Variants in TSPAN8 observed in about 807,000 individuals in gnomAD.
The protein encoded by TSPAN8 is tetraspanin-8.
Under a neutral mutation model 32.8 loss-of-function variants are expected in TSPAN8, and 21 were observed. The ratio of observed to expected loss-of-function variants is 0.64; its 90% CI spans 0.45 to 0.92. The LOEUF (loss-of-function observed/expected upper bound fraction) is 0.92, where lower values mean the gene tolerates loss of function less well. Ranked by LOEUF, TSPAN8 falls within the 40% of genes least tolerant of loss-of-function variation. The pLI is 0.00. For missense variants in TSPAN8, 269 were observed against 281.9 expected (o/e 0.95, Z 0.33); for synonymous variants, 95 against 94.6 (o/e 1.00, Z -0.03).
intron 2 of TSPAN8, among the ~76,000 whole-genome samples, chr12:71,152,991 A>G (rs906927336): frequency 6.6e-6 from 1 of 152,184 alleles, no homozygotes; most frequent in Admixed American, 6.5e-5. Context: ...TCCTTCAGTT[A>G]CTAATACATT....
chr12:71,139,946 T>G (rs1376687183), intron 3 of TSPAN8, 98 bp from the exon 4 acceptor site: 2 of 1,250,302 alleles, frequency 1.6e-6, no homozygotes, highest in African/African-American at 3.0e-5. Context: ...ATGTGTCAAG[T>G]CCTGTGCCAG....
At chr12:71,140,881 G>A (rs1446389024) in intron 3 of TSPAN8, among the ~76,000 whole-genome samples, 4 of 152,048 alleles carry the variant, frequency 2.6e-5, no homozygotes, top group Admixed American at 1.3e-4. Context: ...AGACTAACTC[G>A]AAACCTCTGC....
Position 71,157,933 on chromosome 12 carries a change from T to C in TSPAN8, c.-113A>G. 2.2e-6 allele frequency: 1 copy of C among 453,984 alleles called. No individual in the cohort carries two copies. Among genetic ancestry groups the C allele is most frequent in the Non-Finnish European group, 3.9e-6 (1 of 254,446 alleles). The allele number at this position is 453,984 out of a possible 1,614,324, so 28.1% of individuals were successfully genotyped here. A position where few individuals can be genotyped will look rare whatever the true frequency, so the allele number is the denominator to read the frequency against. On this transcript the variant is annotated 5_prime_UTR_variant, in exon 1 of 9. An upstream start codon of the reference 5' UTR is lost. Transcript: ENST00000247829. Reference sequence around the variant, plus strand: ...ATCTCAAAGGCTATTAACTCACACATTTAAATATCGCAAAGGCTATCTCCA... The same window carrying C: ...ATCTCAAAGGCTATTAACTCACACACTTAAATATCGCAAAGGCTATCTCCA...
chr12:71,129,205 G>T, intron 8 of TSPAN8, 126 bp downstream of exon 8: 2 of 1,027,838 alleles, frequency 1.9e-6, no homozygotes, highest in Non-Finnish European at 1.4e-6. Context: ...CTTTTCTAAA[G>T]CATCTGCGTT....
chr12:71,131,512 CA>C (rs1263973778), intron 7 of TSPAN8, among the ~76,000 whole-genome samples: 1 of 151,550 alleles, frequency 6.6e-6, no homozygotes, highest in Non-Finnish European at 1.5e-5. Flanking sequence ...GTTACTAAAC[CA>C]AAACATTTCT....
In TSPAN8 at chr12:71,137,917, T is replaced by C. The variant is rs1180677591; in HGVS notation, c.444+36A>G. 7 of 1,568,068 alleles carry C rather than the reference T, an allele frequency of 4.5e-6. No homozygotes were observed. The African/African-American group carries it at 8.2e-5, about 18-fold the overall frequency. The stretch of plus-strand genomic sequence containing the variant: ...ACTAAACAAACACAGAAGAACTATG[T>C]CCAACTCTTTAAAATGAACAATGAA... On this transcript the variant is annotated intron_variant, in intron 6 of 8. Coordinates refer to ENST00000247829, the MANE Select transcript of TSPAN8 (RefSeq NM_004616.3).
intron 7 of TSPAN8, among the ~76,000 whole-genome samples, chr12:71,132,354 C>G (rs1237606172): frequency 1.3e-5 from 2 of 152,012 alleles, no homozygotes; most frequent in Non-Finnish European, 2.9e-5. Context: ...TTTTCTAGAA[C>G]TTATGTTAAA....
intron 3 of TSPAN8, among the ~76,000 whole-genome samples, chr12:71,143,294 G>A (rs1221225078): frequency 6.6e-6 from 1 of 152,130 alleles, no homozygotes; most frequent in Non-Finnish European, 1.5e-5. Context: ...TGCCAGGGTG[G>A]TATTATGTTC....
intron 2 of TSPAN8, 45 bp from the exon 3 acceptor site, chr12:71,144,258 T>C: frequency 6.4e-7 from 1 of 1,558,838 alleles, no homozygotes; most frequent in Non-Finnish European, 8.7e-7. Flanking sequence ...ATTAGGATCA[T>C]ATGAAACTCT....
intron 3 of TSPAN8, among the ~76,000 whole-genome samples, chr12:71,140,682 C>T (rs899476428): frequency 1.3e-5 from 2 of 152,218 alleles, no homozygotes; most frequent in Admixed American, 6.5e-5. Flanking sequence ...CACACATACT[C>T]GTCTTCATCA....
chr12:71,126,597 T>C (rs1871356412), intron 8 of TSPAN8, among the ~76,000 whole-genome samples: 1 of 152,154 alleles, frequency 6.6e-6, no homozygotes, highest in South Asian at 2.1e-4. Flanking sequence ...AAAAGAGATT[T>C]GTCATTTTAT....
intron 8 of TSPAN8, among the ~76,000 whole-genome samples, chr12:71,126,446 C>A (rs1184194091): frequency 6.6e-6 from 1 of 152,002 alleles, no homozygotes; most frequent in Non-Finnish European, 1.5e-5. Flanking sequence ...TGGGATAAGA[C>A]AACTATCATC....
Position 71,125,371 on chromosome 12 carries a change from A to C in TSPAN8, c.677T>G (p.Phe226Cys). 1 of 1,613,110 alleles carries C rather than the reference A, an allele frequency of 6.2e-7. No individual in the cohort carries two copies. Among genetic ancestry groups the C allele is most frequent in the Non-Finnish European group, 8.5e-7 (1 of 1,179,526 alleles). The change falls in exon 9 of 9, where the codon TTT becomes TGT. Residue 226 changes from phenylalanine to cysteine, a missense_variant. Transcript: ENST00000247829. ...GATCTGGCAATACAGGACCATAGAA[A>C]ACACCAAACCCAGTATCTAGAGAAC... ...LAVIEILGLVFSMVLYCQIGN... is the reference protein window; with the variant it reads ...LAVIEILGLVCSMVLYCQIGN...
intron 2 of TSPAN8, among the ~76,000 whole-genome samples, chr12:71,155,736 A>AT (rs200596815): frequency 0.028 from 4,145 of 148,050 alleles, 177 homozygotes; most frequent in African/African-American, 0.094. Context: ...TTGTGGTAAC[A>AT]TTTTTTTTTT....
intron 2 of TSPAN8, 44 bp downstream of exon 2, chr12:71,157,575 C>T: frequency 7.6e-7 from 1 of 1,309,372 alleles, no homozygotes; most frequent in African/African-American, 1.5e-5. Context: ...ATATCAAGAT[C>T]CCCTTTCTTG....
At position 71,138,194 on chromosome 12, in the gene TSPAN8, C is replaced by T. The variant is rs780409087; in HGVS notation, c.298G>A (p.Val100Met). 1.9e-6 allele frequency: 3 copies of T among 1,614,016 alleles called. No individual in the cohort carries two copies. The highest frequency in any genetic ancestry group is 2.5e-6 in the Non-Finnish European group (3 of 1,179,954). The change falls in exon 5 of 9, where the codon GTG (valine) becomes ATG (methionine). Residue 100 changes from valine to methionine, a missense_variant. By Grantham distance (21) the Val-to-Met change is conservative. Coordinates refer to ENST00000247829, the MANE Select transcript of TSPAN8 (RefSeq NM_004616.3). The part of the protein sequence containing the change: ...IGLLLILLLQ[V>M]ATGILGAVFK... ...ACAGCTCCTAGGATACCTGTCGCCA[C>T]CTGCAGGAGCAGGATCAGAAGCAAG...
chr12:71,155,342 C>A (rs553506913), intron 2 of TSPAN8, among the ~76,000 whole-genome samples: 32 of 152,050 alleles, frequency 2.1e-4, no homozygotes, highest in African/African-American at 7.5e-4. Flanking sequence ...TGAAAGAATA[C>A]AAAATCACTT....
chr12:71,142,849 A>AAAC lies in TSPAN8; in HGVS notation c.123+1301_123+1302insGTT, dbSNP rs1555195661. 2.8e-3 allele frequency among the ~76,000 whole-genome samples: 396 copies of AAAC among 139,812 alleles called. 7 individuals are homozygous for AAAC. The East Asian group carries it at 0.05, about 18-fold the overall frequency. The allele number at this position is 139,812 out of a possible 152,430, so 91.7% of individuals were successfully genotyped here. A position where few individuals can be genotyped will look rare whatever the true frequency, so the allele number is the denominator to read the frequency against. ...AGGAGAGAGAGAGAGGAAAAAAACA[A>AAAC]AAAAAAAAAAAACAGAGATAGAGTG... On this transcript the variant is annotated intron_variant, in intron 3 of 8. Coordinates refer to ENST00000247829, the MANE Select transcript of TSPAN8 (RefSeq NM_004616.3).
At chr12:71,138,595 G>A (rs915153441) in intron 4 of TSPAN8, among the ~76,000 whole-genome samples, 2 of 152,132 alleles carry the variant, frequency 1.3e-5, no homozygotes, top group Admixed American at 6.5e-5. Context: ...AATTGGCTTT[G>A]AAACAGCATC....
Sources: allele counts gnomAD v4.1 joint callset (sites outside exome capture counted in the v4.1 genomes callset), GRCh38; gene constraint gnomAD v4.1.1; transcripts MANE v1.5; gene names NCBI Gene and HGNC (gene_info 2026-07-23, HGNC 2026-07-21).